The following DLGAP2 variants were observed in gnomAD, a reference collection of about 807,000 sequenced individuals.
DLGAP2 encodes the protein disks large-associated protein 2.
DLGAP2 carries 26 observed loss-of-function variants against 100.3 expected under a neutral mutation model. The observed-to-expected ratio is 0.26, with a 90% CI of 0.19 to 0.36. The LOEUF is 0.36. Ranked by LOEUF, DLGAP2 falls within the 10% of genes least tolerant of loss-of-function variation. The pLI is 1.00. For synonymous variants in DLGAP2, 886 were observed against 630.1 expected (o/e 1.41, Z -6.08); for missense variants, 1,858 against 1,453.2 (o/e 1.28, Z -4.53).
intron 6 of DLGAP2, among the ~76,000 whole-genome samples, chr8:1,585,169 A>G (rs1351151732): frequency 6.6e-6 from 1 of 152,148 alleles, no homozygotes; most frequent in Non-Finnish European, 1.5e-5. Flanking sequence ...TGGTTTGTTC[A>G]TTAATACTCC....
chr8:1,514,151 A>G (rs1053137964), intron 4 of DLGAP2, among the ~76,000 whole-genome samples: 12 of 152,274 alleles, frequency 7.9e-5, no homozygotes, highest in African/African-American at 2.7e-4. Flanking sequence ...CCTGCACCCA[A>G]TTAGACATCT....
At position 1,526,965 on chromosome 8, in the gene DLGAP2, C is replaced by T. The variant is rs554194053; in HGVS notation, c.173-21661C>T. Among the ~76,000 whole-genome samples the T allele has an allele frequency of 2.0e-5, 3 of 152,360 alleles. No individual in the cohort carries two copies. The East Asian group carries it at 5.8e-4, about 29-fold the overall frequency. Reference sequence around the variant, plus strand: ...CGTGGTGTGGCCTCGAGTTAGGCTGCAAGCAGCGGGTGCCGTCACAAGCCC... The same window carrying T: ...CGTGGTGTGGCCTCGAGTTAGGCTGTAAGCAGCGGGTGCCGTCACAAGCCC... On this transcript the variant is annotated intron_variant, in intron 4 of 14. Coordinates refer to ENST00000637795, the MANE Select transcript of DLGAP2 (RefSeq NM_001346810.2).
intron 4 of DLGAP2, 72 bp from the exon 5 acceptor site, chr8:1,548,554 T>A (rs1584914819): frequency 7.8e-7 from 1 of 1,274,720 alleles, no homozygotes; most frequent in Admixed American, 3.2e-5. Flanking sequence ...ACGGTGGGGG[T>A]CACATATTCC....
At chr8:851,294 C>G (rs1175384962) in intron 1 of DLGAP2, among the ~76,000 whole-genome samples, 2 of 152,176 alleles carry the variant, frequency 1.3e-5, no homozygotes, top group Non-Finnish European at 2.9e-5. Context: ...GATGTTCGCA[C>G]CCTGACAAAG....
chr8:1,634,742 C>T (rs1336271434), intron 8 of DLGAP2, among the ~76,000 whole-genome samples: 8 of 152,102 alleles, frequency 5.3e-5, no homozygotes, highest in African/African-American at 1.9e-4. Flanking sequence ...ACAATCATTA[C>T]CTCGTAGAAA....
intron 3 of DLGAP2, among the ~76,000 whole-genome samples, chr8:1,326,848 T>A (rs952772057): frequency 1.3e-5 from 2 of 152,190 alleles, no homozygotes; most frequent in African/African-American, 4.8e-5. Flanking sequence ...CTCCCTTTGG[T>A]GTTGTAGTAT....
intron 2 of DLGAP2, among the ~76,000 whole-genome samples, chr8:1,162,131 C>T (rs564092419): frequency 6.6e-6 from 1 of 152,356 alleles, no homozygotes; most frequent in East Asian, 1.9e-4. Flanking sequence ...CCACAGGAGG[C>T]TACGGAGGCA....
intron 2 of DLGAP2, among the ~76,000 whole-genome samples, chr8:1,084,551 G>A (rs117531451): frequency 0.013 from 1,985 of 152,146 alleles, 21 homozygotes; most frequent in Non-Finnish European, 0.02. Context: ...CCCCAGCCTC[G>A]GGTGACCACC....
At chr8:905,860 C>T (rs181653568) in intron 1 of DLGAP2, among the ~76,000 whole-genome samples, 173 of 146,502 alleles carry the variant, frequency 1.2e-3, no homozygotes, top group African/African-American at 3.3e-3. Flanking sequence ...TGTGACCTCT[C>T]GCGGCCCTTT....
chr8:778,278 A>G (rs183289443), intron 1 of DLGAP2, among the ~76,000 whole-genome samples: 5 of 152,060 alleles, frequency 3.3e-5, no homozygotes, highest in Admixed American at 3.3e-4. Flanking sequence ...CAACTTCTTT[A>G]CCTTTGGTTT....
intron 1 of DLGAP2, among the ~76,000 whole-genome samples, chr8:755,574 T>TTGAGGTG (rs1244494487): frequency 2.0e-5 from 3 of 152,086 alleles, no homozygotes; most frequent in African/African-American, 7.2e-5. Flanking sequence ...GAAGCGGCAT[T>TTGAGGTG]TGAGGTGTGA....
chr8:1,199,058 C>T (rs1185060205), intron 2 of DLGAP2, among the ~76,000 whole-genome samples: 1 of 152,188 alleles, frequency 6.6e-6, no homozygotes, highest in African/African-American at 2.4e-5. Flanking sequence ...TTCCAGACTT[C>T]CAGACTGCTC....
intron 2 of DLGAP2, among the ~76,000 whole-genome samples, chr8:996,538 A>G (rs1250077488): frequency 2.6e-5 from 4 of 152,222 alleles, no homozygotes; most frequent in Non-Finnish European, 5.9e-5. Context: ...TACATTAATG[A>G]AAGTCCTTCC....
chr8:1,326,088 G>T (rs192166884), intron 3 of DLGAP2, among the ~76,000 whole-genome samples: 1 of 152,232 alleles, frequency 6.6e-6, no homozygotes, highest in African/African-American at 2.4e-5. Flanking sequence ...CAACTATACA[G>T]CTTTTTTCTT....
At chr8:1,387,000 A>G (rs1796236090) in intron 3 of DLGAP2, among the ~76,000 whole-genome samples, 2 of 152,238 alleles carry the variant, frequency 1.3e-5, no homozygotes, top group African/African-American at 4.8e-5. Flanking sequence ...TTACCTAAAA[A>G]TAAATTTAAT....
intron 2 of DLGAP2, among the ~76,000 whole-genome samples, chr8:1,091,975 C>T (rs964361143): frequency 4.1e-4 from 62 of 152,236 alleles, no homozygotes; most frequent in African/African-American, 1.3e-3. Context: ...TTCTGCCCCA[C>T]GTTTTATTTT....
chr8:1,621,115 C>G (rs1797320134), intron 6 of DLGAP2: 1 of 152,286 alleles, frequency 6.6e-6, no homozygotes. Context: ...CTTTCTTGCA[C>G]TTCCAAGCAC....
intron 2 of DLGAP2, among the ~76,000 whole-genome samples, chr8:1,206,286 A>G (rs1797987690): frequency 6.6e-6 from 1 of 151,840 alleles, no homozygotes; most frequent in Non-Finnish European, 1.5e-5. Context: ...GGGCTGGGGT[A>G]GACTGTGAGC....
intron 1 of DLGAP2, among the ~76,000 whole-genome samples, chr8:770,809 G>A (rs1376535394): frequency 6.6e-6 from 1 of 151,816 alleles, no homozygotes; most frequent in East Asian, 1.9e-4. Context: ...TATTTCTGTT[G>A]TCCTTGATAA....
Sources: allele counts gnomAD v4.1 joint callset (sites outside exome capture counted in the v4.1 genomes callset), GRCh38; gene constraint gnomAD v4.1.1; transcripts MANE v1.5; gene names NCBI Gene and HGNC (gene_info 2026-07-23, HGNC 2026-07-21).